MED29: variants seen among roughly 807,000 people sequenced by gnomAD.
MED29 encodes the protein mediator complex subunit 29.
A neutral mutation model predicts 22.0 loss-of-function variants in MED29; 14 were observed. That is an observed-to-expected ratio of 0.64 (90% CI 0.42 to 0.99). The LOEUF (loss-of-function observed/expected upper bound fraction) is 0.99. MED29 is among the 50% of genes least tolerant of loss of function. The probability of loss-of-function intolerance (pLI) is 0.00; values close to 1 mark genes in which losing one functional copy is unlikely to be tolerated. For synonymous variants in MED29, 123 were observed against 107.8 expected, an observed-to-expected ratio of 1.14 and a Z score of -0.87; for missense variants, 241 against 253.7, an observed-to-expected ratio of 0.95 and a Z score of 0.34.
At chr19:39,392,626 T>C (rs746041121) in intron 2 of MED29, 104 bp downstream of exon 2, 73 of 418,704 alleles carry the variant, frequency 1.7e-4, no homozygotes, top group South Asian at 5.8e-4. Flanking sequence ...TATATTTACT[T>C]TTTTTTTTTT....
Position 39,392,512 on chromosome 19 carries a change from G to GAC in MED29, c.267_268dup (p.Asn90ThrfsTer132). The GAC allele has an allele frequency of 6.2e-7, 1 of 1,613,740 alleles. No individual in the cohort carries two copies. Among genetic ancestry groups the GAC allele is most frequent in the Non-Finnish European group, 8.5e-7 (1 of 1,179,928 alleles). ...AAACTTGATTCAGAACACTAACATC[G>GAC]ACAATGGACAGTGAGTGCAGCCCCC... On this transcript the variant is annotated frameshift_variant, in exon 2 of 4. Transcript: ENST00000315588. LOFTEE classifies it high-confidence loss of function.
intron 3 of MED29, among the ~76,000 whole-genome samples, chr19:39,397,181 C>T (rs1457857602): frequency 1.3e-5 from 2 of 152,174 alleles, no homozygotes; most frequent in African/African-American, 2.4e-5. Flanking sequence ...TGCCAGGACC[C>T]GTGCCTGTGT....
Position 39,399,428 on chromosome 19 carries a change from G to T in MED29, c.*1729G>T, listed in dbSNP as rs1460581145. On this transcript the variant is annotated 3_prime_UTR_variant, in exon 4 of 4. Transcript: ENST00000315588. Reference sequence around the variant, plus strand: ...ACACACCTGTAGTCCCAGCTACTCGGGAGGCTGAGGCAGGAGAATCGTTTG... The same window carrying T: ...ACACACCTGTAGTCCCAGCTACTCGTGAGGCTGAGGCAGGAGAATCGTTTG... The T allele has an allele frequency of 6.6e-6, 1 of 152,238 alleles. No homozygotes were observed. Among genetic ancestry groups the T allele is most frequent in the African/African-American group, 2.4e-5 (1 of 41,426 alleles). The allele number at this position is 152,238 out of a possible 1,614,324, so 9.4% of individuals were successfully genotyped here.
intron 1 of MED29, 145 bp downstream of exon 1, chr19:39,391,783 C>T (rs1486967502): frequency 2.9e-6 from 3 of 1,020,116 alleles, no homozygotes; most frequent in East Asian, 2.8e-5. Flanking sequence ...CCTGTGTTCC[C>T]AGCACTTTGG....
chr19:39,398,053 T>C lies in MED29; in HGVS notation c.*354T>C, dbSNP rs772938085. On this transcript the variant is annotated 3_prime_UTR_variant, in exon 4 of 4. Transcript: ENST00000315588. ...CTGGGAGGTGGTCTCTGTGTGCCAC[T>C]CCTCTGTGTCTCTATTACAGTTGTG... 11 of 504,828 alleles carry C rather than the reference T, an allele frequency of 2.2e-5. No homozygotes were observed. The highest frequency in any genetic ancestry group is 3.5e-5 in the Non-Finnish European group (10 of 283,054). The allele number at this position is 504,828 out of a possible 1,614,324, so 31.3% of individuals were successfully genotyped here.
At chr19:39,393,480 T>G (rs953201933) in intron 2 of MED29, 73 bp from the exon 3 acceptor site, 79 of 1,361,572 alleles carry the variant, frequency 5.8e-5, no homozygotes, top group Non-Finnish European at 8.2e-5. Flanking sequence ...TGATGGACAC[T>G]TGGTTGGGTA....
chr19:39,391,734 G>A, intron 1 of MED29, 96 bp downstream of exon 1: 1 of 1,423,682 alleles, frequency 7.0e-7, no homozygotes, highest in Non-Finnish European at 9.4e-7. Context: ...TAAGCAGAAA[G>A]AGGAATAGAA....
chr19:39,393,403 C>T (rs1489463514), intron 2 of MED29, 150 bp from the exon 3 acceptor site: 2 of 720,356 alleles, frequency 2.8e-6, no homozygotes, highest in Non-Finnish European at 4.7e-6. Context: ...GCCTCCTTTT[C>T]TTTTTTTTTG....
rs1257100358 is a variant in MED29, at chr19:39,400,503, A to G, written c.*2804A>G. The G allele has an allele frequency of 6.6e-6, 1 of 152,244 alleles. No individual in the cohort carries two copies. Among genetic ancestry groups the G allele is most frequent in the African/African-American group, 2.4e-5 (1 of 41,462 alleles). 9.4% of individuals were successfully genotyped at this position (152,244 alleles called of 1,614,324 possible). On this transcript the variant is annotated 3_prime_UTR_variant, in exon 4 of 4. Transcript: ENST00000315588. The stretch of plus-strand genomic sequence containing the variant: ...TAGCAAATCTAACACATGAAATGTA[A>G]CATCTGCATATGGAGAATCGTGTTA...
At chr19:39,393,751 C>T in intron 3 of MED29, 114 bp downstream of exon 3, 1 of 865,990 alleles carries the variant, frequency 1.2e-6, no homozygotes, top group Non-Finnish European at 1.9e-6. Flanking sequence ...TGGGCCAGAC[C>T]TGTGCTTCCA....
rs1019585121 is a variant in MED29 at position 39,398,785 on chromosome 19, G to A, written c.*1086G>A. On this transcript the variant is annotated 3_prime_UTR_variant, in exon 4 of 4. Coordinates refer to ENST00000315588, the MANE Select transcript of MED29 (RefSeq NM_017592.4). ...AGTGACTCAGCCTGGTTGGAGAACTGCCCCACCCAGTATCTTCTGTGCCAT... is the reference window on the plus strand; with the variant it reads ...AGTGACTCAGCCTGGTTGGAGAACTACCCCACCCAGTATCTTCTGTGCCAT... 1.3e-5 allele frequency: 2 copies of A among 152,310 alleles called. No individual in the cohort carries two copies. The highest frequency in any genetic ancestry group is 2.9e-5 in the Non-Finnish European group (2 of 68,134). The allele number at this position is 152,310 out of a possible 1,614,324, so 9.4% of individuals were successfully genotyped here.
Position 39,398,057 on chromosome 19 carries a change from C to G in MED29, c.*358C>G. The G allele has an allele frequency of 2.0e-6, 1 of 502,888 alleles. No homozygotes were observed. The highest frequency in any genetic ancestry group is 3.0e-5 in the East Asian group (1 of 32,844). 31.2% of individuals were successfully genotyped at this position (502,888 alleles called of 1,614,324 possible). ...GAGGTGGTCTCTGTGTGCCACTCCT[C>G]TGTGTCTCTATTACAGTTGTGTCTC... On this transcript the variant is annotated 3_prime_UTR_variant, in exon 4 of 4. Transcript: ENST00000315588.
Position 39,399,529 on chromosome 19 carries a change from G to C in MED29, c.*1830G>C, listed in dbSNP as rs1355839855. The C allele has an allele frequency of 1.3e-5, 2 of 152,126 alleles. No homozygotes were observed. The highest frequency in any genetic ancestry group is 2.4e-5 in the African/African-American group (1 of 41,422). 9.4% of individuals were successfully genotyped at this position (152,126 alleles called of 1,614,324 possible). On this transcript the variant is annotated 3_prime_UTR_variant, in exon 4 of 4. Coordinates refer to ENST00000315588, the MANE Select transcript of MED29 (RefSeq NM_017592.4). ...AGCCTGGGCGACAGGGCAAGACTCT[G>C]TCTCAAAAAAAATAAAAAACTGACC...
At chr19:39,391,768 G>A in intron 1 of MED29, 130 bp downstream of exon 1, 1 of 1,128,788 alleles carries the variant, frequency 8.9e-7, no homozygotes, top group Non-Finnish European at 1.2e-6. Context: ...CCTGGCTGGT[G>A]CACGCCTGTG....
At chr19:39,394,111 G>C (rs1317286561) in intron 3 of MED29, among the ~76,000 whole-genome samples, 1 of 152,216 alleles carries the variant, frequency 6.6e-6, no homozygotes, top group Admixed American at 6.5e-5. Context: ...GGAGTCAGAT[G>C]CACCATCAAT....
rs776037538 is a variant in MED29 at position 39,391,497 on chromosome 19, C to T, written c.75C>T (p.Gly25=). The change falls in exon 1 of 4, where the codon GGC becomes GGT. Residue 25 remains glycine (G), a synonymous_variant. Transcript: ENST00000315588. ...AGVSGPSSAG[G]PGPQQQPQPP... Reference sequence around the variant, plus strand: ...TATCGGGTCCTAGTTCGGCTGGCGGCCCGGGTCCCCAGCAGCAGCCGCAAC... The same window carrying T: ...TATCGGGTCCTAGTTCGGCTGGCGGTCCGGGTCCCCAGCAGCAGCCGCAAC... The T allele has an allele frequency of 1.2e-6, 2 of 1,612,660 alleles. No individual in the cohort carries two copies. The highest frequency in any genetic ancestry group is 2.2e-5 in the South Asian group (2 of 91,072).
At chr19:39,396,788 G>A (rs192808556) in intron 3 of MED29, among the ~76,000 whole-genome samples, 1 of 151,958 alleles carries the variant, frequency 6.6e-6, no homozygotes, top group Non-Finnish European at 1.5e-5. Flanking sequence ...ACTTTGGGAG[G>A]CTGAGGCGGG....
At chr19:39,393,081 CTTTTTTTTTTTTTT>C (rs142198224) in intron 2 of MED29, among the ~76,000 whole-genome samples, 12 of 34,714 alleles carry the variant, frequency 3.5e-4, no homozygotes, top group Admixed American at 4.4e-4. Flanking sequence ...TCTTTCTTTT[CTTTTTTTTTTTTTT>C]TTTTTTTTTT....
chr19:39,392,766 C>T (rs1317642669), intron 2 of MED29: 16 of 505,206 alleles, frequency 3.2e-5, no homozygotes, highest in Non-Finnish European at 5.2e-5. Flanking sequence ...GCCAGGACTA[C>T]AGACATGGCT....
Sources: allele counts gnomAD v4.1 joint callset (sites outside exome capture counted in the v4.1 genomes callset), GRCh38; gene constraint gnomAD v4.1.1; transcripts MANE v1.5; gene names NCBI Gene and HGNC (gene_info 2026-07-23, HGNC 2026-07-21).